DOCK1: variants seen among roughly 807,000 people sequenced by gnomAD.
DOCK1 encodes dedicator of cytokinesis 1, also known as dedicator of cytokinesis protein 1.
In DOCK1, 138 loss-of-function variants were observed where a neutral mutation model predicts 262.7. The observed-to-expected ratio is 0.53, with a 90% confidence interval of 0.46 to 0.61. The LOEUF (loss-of-function observed/expected upper bound fraction) is 0.61, where lower values mean the gene tolerates loss of function less well. Ranked by LOEUF, DOCK1 falls within the 20% of genes least tolerant of loss-of-function variation. The probability of loss-of-function intolerance (pLI) is 0.00; values close to 1 mark genes in which losing one functional copy is unlikely to be tolerated. For synonymous variants in DOCK1, 866 were observed against 867.4 expected, an observed-to-expected ratio of 1.00 and a Z score of 0.03; for missense variants, 1,908 against 2,370.7, an observed-to-expected ratio of 0.80 and a Z score of 4.05.
chr10:127,253,424 A>G (rs1341476907), intron 28 of DOCK1, among the ~76,000 whole-genome samples: 4 of 152,156 alleles, frequency 2.6e-5, no homozygotes, highest in Non-Finnish European at 5.9e-5. Flanking sequence ...ATGTCCTACA[A>G]TTCAATTCAA....
At chr10:127,134,910 T>G (rs2050559586) in intron 27 of DOCK1, among the ~76,000 whole-genome samples, 1 of 152,058 alleles carries the variant, frequency 6.6e-6, no homozygotes, top group East Asian at 1.9e-4. Context: ...GATGGGTTAG[T>G]ATTAGGCTAG....
chr10:127,380,548 C>T (rs773066205), intron 36 of DOCK1, among the ~76,000 whole-genome samples: 105 of 152,188 alleles, frequency 6.9e-4, no homozygotes, highest in Non-Finnish European at 1.3e-3. Context: ...GCCATAGTCC[C>T]GTGTTTTTTA....
At chr10:127,186,442 C>T (rs1380863718) in intron 27 of DOCK1, among the ~76,000 whole-genome samples, 4 of 146,046 alleles carry the variant, frequency 2.7e-5, no homozygotes, top group South Asian at 4.4e-4. Context: ...TTAACACATC[C>T]GATAGACAAC....
intron 51 of DOCK1, among the ~76,000 whole-genome samples, chr10:127,450,786 C>G (rs2070907176): frequency 6.6e-6 from 1 of 152,182 alleles, no homozygotes; most frequent in Non-Finnish European, 1.5e-5. Context: ...GAATAGTTTT[C>G]TTGGAACACA....
chr10:127,324,569 G>T (rs912956342), intron 29 of DOCK1, among the ~76,000 whole-genome samples: 1 of 152,038 alleles, frequency 6.6e-6, no homozygotes, highest in Non-Finnish European at 1.5e-5. Context: ...CGCCTCTCTT[G>T]GGGGAGAGCC....
intron 23 of DOCK1, among the ~76,000 whole-genome samples, chr10:127,065,171 G>A (rs948556383): frequency 2.0e-5 from 3 of 152,094 alleles, no homozygotes; most frequent in African/African-American, 7.2e-5. Flanking sequence ...ACCATGCCCG[G>A]CTAATTTTTT....
chr10:126,997,949 G>A, intron 7 of DOCK1, 143 bp from the exon 8 acceptor site: 1 of 1,004,586 alleles, frequency 1.0e-6, no homozygotes, highest in Non-Finnish European at 1.5e-6. Context: ...ATGTGCAGGG[G>A]AGATAAGAAA....
At chr10:127,090,338 G>A (rs1175703038) in intron 23 of DOCK1, among the ~76,000 whole-genome samples, 10 of 152,132 alleles carry the variant, frequency 6.6e-5, no homozygotes, top group African/African-American at 2.2e-4. Flanking sequence ...CGCCGCTGGA[G>A]ACCATTGTGT....
intron 27 of DOCK1, among the ~76,000 whole-genome samples, chr10:127,154,355 G>T (rs1215212946): frequency 2.0e-5 from 3 of 152,118 alleles, no homozygotes; most frequent in East Asian, 1.9e-4. Context: ...GCCAAATCCC[G>T]CCGGGGCCTG....
At chr10:127,423,947 C>T (rs181613264) in intron 46 of DOCK1, among the ~76,000 whole-genome samples, 1 of 152,264 alleles carries the variant, frequency 6.6e-6, no homozygotes, top group Non-Finnish European at 1.5e-5. Flanking sequence ...ATGCAGATTC[C>T]TGGGATCTGC....
chr10:126,907,197 G>C (rs1408302014), intron 1 of DOCK1, among the ~76,000 whole-genome samples: 1 of 152,142 alleles, frequency 6.6e-6, no homozygotes, highest in Non-Finnish European at 1.5e-5. Context: ...GGTCCCTGCG[G>C]GGGTAGTGTG....
At chr10:127,077,393 T>G (rs1360719704) in intron 23 of DOCK1, among the ~76,000 whole-genome samples, 1 of 152,032 alleles carries the variant, frequency 6.6e-6, no homozygotes, top group Admixed American at 6.6e-5. Flanking sequence ...AGACTGTGTC[T>G]CAAAATAAAA....
At chr10:127,202,510 G>C (rs77736308) in intron 27 of DOCK1, among the ~76,000 whole-genome samples, 1 of 152,230 alleles carries the variant, frequency 6.6e-6, no homozygotes, top group South Asian at 2.1e-4. Flanking sequence ...TCCCAGCTGG[G>C]GGGTGTAGGA....
At chr10:127,330,854 C>T (rs1326005438) in intron 29 of DOCK1, among the ~76,000 whole-genome samples, 1 of 152,182 alleles carries the variant, frequency 6.6e-6, no homozygotes, top group African/African-American at 2.4e-5. Flanking sequence ...CATGCCTCTT[C>T]GTGGGTCCCG....
intron 27 of DOCK1, among the ~76,000 whole-genome samples, chr10:127,170,303 G>T (rs1257719913): frequency 1.3e-5 from 2 of 152,128 alleles, no homozygotes; most frequent in African/African-American, 2.4e-5. Flanking sequence ...CTACCTGCTG[G>T]TCATGTTTAA....
chr10:127,433,228 C>CAGG, intron 47 of DOCK1, 55 bp from the exon 48 acceptor site: 1 of 1,599,298 alleles, frequency 6.3e-7, no homozygotes, highest in Non-Finnish European at 8.5e-7. Context: ...AGGAGTCTGA[C>CAGG]CATGGCAGGC....
chr10:127,357,095 C>T (rs544316779), intron 32 of DOCK1, among the ~76,000 whole-genome samples: 58 of 152,226 alleles, frequency 3.8e-4, no homozygotes, highest in African/African-American at 1.3e-3. Context: ...TCACCCTGGC[C>T]CCTGAGCACC....
At chr10:127,448,927 T>C (rs1040764552) in intron 51 of DOCK1, among the ~76,000 whole-genome samples, 1 of 151,172 alleles carries the variant, frequency 6.6e-6, no homozygotes, top group Non-Finnish European at 1.5e-5. Context: ...ATGAGAGGAG[T>C]GGAAGAGAGA....
chr10:126,964,106 C>T (rs1396146305), intron 1 of DOCK1, among the ~76,000 whole-genome samples: 2 of 152,164 alleles, frequency 1.3e-5, no homozygotes, highest in African/African-American at 4.8e-5. Flanking sequence ...GAGCCGTTTG[C>T]AACAATACAG....
Sources: allele counts gnomAD v4.1 joint callset (sites outside exome capture counted in the v4.1 genomes callset), GRCh38; gene constraint gnomAD v4.1.1; transcripts MANE v1.5; gene names NCBI Gene and HGNC (gene_info 2026-07-23, HGNC 2026-07-21).